The following NLGN1 variants were observed in gnomAD, a reference collection of about 807,000 sequenced individuals.
The protein encoded by NLGN1 is neuroligin-1.
NLGN1 carries 12 observed loss-of-function variants against 65.5 expected under a neutral mutation model. The ratio of observed to expected loss-of-function variants is 0.18; its 90% CI spans 0.12 to 0.30. The LOEUF is 0.30. Ranked by LOEUF, NLGN1 falls within the 10% of genes least tolerant of loss-of-function variation. NLGN1 has a pLI of 1.00. For missense variants in NLGN1, 750 were observed against 1,007.1 expected (o/e 0.74, Z 3.46); for synonymous variants, 350 against 359.5 (o/e 0.97, Z 0.30).
chr3:173,913,278 A>G (rs1740002689), intron 4 of NLGN1, among the ~76,000 whole-genome samples: 1 of 152,212 alleles, frequency 6.6e-6, no homozygotes, highest in Admixed American at 6.5e-5. Flanking sequence ...AGTTTGCAAG[A>G]TTGATTAAAA....
At chr3:173,860,754 A>G (rs1728893075) in intron 4 of NLGN1, among the ~76,000 whole-genome samples, 1 of 152,208 alleles carries the variant, frequency 6.6e-6, no homozygotes, top group African/African-American at 2.4e-5. Context: ...AATAATGTTA[A>G]TTCATCATAA....
intron 4 of NLGN1, among the ~76,000 whole-genome samples, chr3:174,027,387 TG>T (rs1449564422): frequency 6.6e-6 from 1 of 152,138 alleles, no homozygotes; most frequent in African/African-American, 2.4e-5. Context: ...TTTTGAGCTC[TG>T]GAACTCTAAC....
rs375169170 is a variant in NLGN1, at chr3:174,080,452, C to T, written c.647-194863C>T. 4.8e-4 allele frequency among the ~76,000 whole-genome samples: 73 copies of T among 152,286 alleles called. No individual in the cohort carries two copies. The South Asian group carries it at 6.0e-3, about 13-fold the overall frequency. ...AGCAGGCGACTTAAGAGATCAAGTGCGTCATTTGACCTTTTGACTTGGGGC... is the reference window on the plus strand; with the variant it reads ...AGCAGGCGACTTAAGAGATCAAGTGTGTCATTTGACCTTTTGACTTGGGGC... On this transcript the variant is annotated intron_variant, in intron 4 of 6. Transcript: ENST00000457714.
At chr3:174,068,853 G>A (rs192647420) in intron 4 of NLGN1, among the ~76,000 whole-genome samples, 228 of 152,224 alleles carry the variant, frequency 1.5e-3, no homozygotes, top group Non-Finnish European at 2.6e-3. Context: ...AATGTGAACA[G>A]AAAGCAATTT....
At chr3:173,905,293 G>T (rs9826640) in intron 4 of NLGN1, among the ~76,000 whole-genome samples, 2,291 of 152,220 alleles carry the variant, frequency 0.015, 42 homozygotes, top group Middle Eastern at 0.065. Flanking sequence ...CTTTAAATTT[G>T]CAACTTCAGC....
chr3:174,248,001 A>G (rs1055686021), intron 4 of NLGN1, among the ~76,000 whole-genome samples: 1 of 152,234 alleles, frequency 6.6e-6, no homozygotes, highest in African/African-American at 2.4e-5. Context: ...GGCATGACTA[A>G]TTCATTCATA....
At chr3:173,721,994 G>GTT (rs1770914171) in intron 3 of NLGN1, among the ~76,000 whole-genome samples, 1 of 151,632 alleles carries the variant, frequency 6.6e-6, no homozygotes, top group Admixed American at 6.6e-5. Context: ...AATTATAAGG[G>GTT]TTTTCAAGTA....
intron 3 of NLGN1, among the ~76,000 whole-genome samples, chr3:173,663,300 A>T (rs561214962): frequency 6.6e-6 from 1 of 152,154 alleles, no homozygotes; most frequent in Non-Finnish European, 1.5e-5. Context: ...ACACATAACA[A>T]TGATTATGTT....
intron 4 of NLGN1, among the ~76,000 whole-genome samples, chr3:173,874,292 C>T (rs1374900629): frequency 6.6e-6 from 1 of 152,138 alleles, no homozygotes; most frequent in African/African-American, 2.4e-5. Context: ...CTTTTTGTTC[C>T]ACAGACCTGT....
rs1194861514 is a variant in NLGN1 at position 174,107,011 on chromosome 3, C to CAG, written c.647-168303_647-168302insGA. 9.7e-3 allele frequency among the ~76,000 whole-genome samples: 1,107 copies of CAG among 114,616 alleles called. 9 individuals are homozygous for CAG. The highest frequency in any genetic ancestry group is 0.014 in the Non-Finnish European group (830 of 57,646). 75.2% of individuals were successfully genotyped at this position (114,616 alleles called of 152,430 possible). On this transcript the variant is annotated intron_variant, in intron 4 of 6. Transcript: ENST00000457714. Reference sequence around the variant, plus strand: ...ACACACACACACACACACACACACACACACACAGAGAGAGAGAGAGAGAGA... The same window carrying CAG: ...ACACACACACACACACACACACACACAGACACACAGAGAGAGAGAGAGAGAGA...
At chr3:173,952,254 A>C (rs1295600047) in intron 4 of NLGN1, among the ~76,000 whole-genome samples, 1 of 152,214 alleles carries the variant, frequency 6.6e-6, no homozygotes, top group Non-Finnish European at 1.5e-5. Flanking sequence ...GATAAGAGCC[A>C]ACAAGTCTGG....
intron 4 of NLGN1, among the ~76,000 whole-genome samples, chr3:173,961,820 T>G (rs1401420854): frequency 6.6e-6 from 1 of 152,018 alleles, no homozygotes; most frequent in Non-Finnish European, 1.5e-5. Flanking sequence ...CTACCCTGAG[T>G]TAGAGAAGCT....
chr3:173,409,915 G>A (rs1003605196), intron 1 of NLGN1, among the ~76,000 whole-genome samples: 77 of 152,294 alleles, frequency 5.1e-4, no homozygotes, highest in Admixed American at 8.5e-4. Flanking sequence ...GATGTTTTAG[G>A]GACCTGTAGG....
chr3:173,893,214 T>C (rs1352235702), intron 4 of NLGN1, among the ~76,000 whole-genome samples: 2 of 152,084 alleles, frequency 1.3e-5, no homozygotes, highest in African/African-American at 4.8e-5. Flanking sequence ...CACTCATCCA[T>C]CTAGTCACCC....
chr3:173,824,091 A>T (rs925003025), intron 4 of NLGN1, among the ~76,000 whole-genome samples: 3 of 152,108 alleles, frequency 2.0e-5, no homozygotes, highest in African/African-American at 7.2e-5. Flanking sequence ...TCACAAAGAC[A>T]CAAAAGTACA....
At chr3:173,663,161 A>G (rs1397096015) in intron 3 of NLGN1, among the ~76,000 whole-genome samples, 1 of 152,014 alleles carries the variant, frequency 6.6e-6, no homozygotes, top group Non-Finnish European at 1.5e-5. Flanking sequence ...ATGACTTCAG[A>G]CAACTTCTTT....
chr3:173,405,674 A>T (rs1043888661), intron 1 of NLGN1, among the ~76,000 whole-genome samples: 1 of 152,114 alleles, frequency 6.6e-6, no homozygotes, highest in African/African-American at 2.4e-5. Context: ...ATTATGTAAT[A>T]TATAAAATAT....
intron 4 of NLGN1, among the ~76,000 whole-genome samples, chr3:174,217,532 C>G (rs1302785561): frequency 6.6e-6 from 1 of 152,006 alleles, no homozygotes; most frequent in Non-Finnish European, 1.5e-5. Context: ...TTATTGTATC[C>G]TCACATGGCA....
In NLGN1 at chr3:174,247,190, A is replaced by T. The variant is rs769059570; in HGVS notation, c.647-28125A>T. Among the ~76,000 whole-genome samples, 47 of 152,100 alleles carry T rather than the reference A, an allele frequency of 3.1e-4. 1 individual carries two copies. Among genetic ancestry groups the T allele is most frequent in the Non-Finnish European group, 7.3e-5 (5 of 68,034 alleles). On this transcript the variant is annotated intron_variant, in intron 4 of 6. Transcript: ENST00000457714. ...TATTATTTTTTGGTGTTACTTGGAG[A>T]TCAATATCAAAGGTTCTTCCTCAGT...
Sources: allele counts gnomAD v4.1 joint callset (sites outside exome capture counted in the v4.1 genomes callset), GRCh38; gene constraint gnomAD v4.1.1; transcripts MANE v1.5; gene names NCBI Gene and HGNC (gene_info 2026-07-23, HGNC 2026-07-21).